Variants in EIPR1 observed in about 807,000 individuals in gnomAD.
The protein encoded by EIPR1 is EARP complex and GARP complex interacting protein 1.
EIPR1 carries 25 observed loss-of-function variants against 48.1 expected under a neutral mutation model. That is an observed-to-expected ratio of 0.52 (90% CI 0.38 to 0.73). The LOEUF (loss-of-function observed/expected upper bound fraction) is 0.73, where lower values mean the gene tolerates loss of function less well. Ranked by LOEUF, EIPR1 falls within the 30% of genes least tolerant of loss-of-function variation. EIPR1 has a pLI of 0.00. For missense variants in EIPR1, 415 were observed against 506.2 expected, an observed-to-expected ratio of 0.82 and a Z score of 1.73; for synonymous variants, 204 against 201.9, an observed-to-expected ratio of 1.01 and a Z score of -0.09.
chr2:3,232,923 TCTC>T (rs10533348), intron 4 of EIPR1, among the ~76,000 whole-genome samples: 139,067 of 152,134 alleles, frequency 0.91, 64,053 homozygotes, highest in East Asian at 0.98. Context: ...TTAAAGAAGT[TCTC>T]CTCTGAGTAA....
At chr2:3,269,677 GCAA>G (rs1667642530) in intron 3 of EIPR1, among the ~76,000 whole-genome samples, 1 of 94,276 alleles carries the variant, frequency 1.1e-5, no homozygotes. Flanking sequence ...CTCAATCATC[GCAA>G]TCATCGCACT....
intron 3 of EIPR1, among the ~76,000 whole-genome samples, chr2:3,317,818 C>T (rs1022346168): frequency 1.3e-5 from 2 of 152,170 alleles, no homozygotes; most frequent in Admixed American, 6.5e-5. Context: ...CATGATGCCA[C>T]GGTGAGAAGG....
At chr2:3,338,752 T>C (rs1299074076) in intron 2 of EIPR1, among the ~76,000 whole-genome samples, 2 of 152,220 alleles carry the variant, frequency 1.3e-5, no homozygotes, top group Admixed American at 6.5e-5. Context: ...TGATATTAAA[T>C]AGGATAACAT....
intron 3 of EIPR1, among the ~76,000 whole-genome samples, chr2:3,302,680 C>A (rs992729366): frequency 6.6e-6 from 1 of 152,232 alleles, no homozygotes; most frequent in Non-Finnish European, 1.5e-5. Context: ...AGGCCCGCTG[C>A]GGATCCACAG....
intron 4 of EIPR1, among the ~76,000 whole-genome samples, chr2:3,246,071 G>A (rs1388467439): frequency 6.6e-6 from 1 of 152,132 alleles, no homozygotes; most frequent in East Asian, 1.9e-4. Context: ...CAGCCTGAGT[G>A]ACAAAGCCAG....
intron 3 of EIPR1, among the ~76,000 whole-genome samples, chr2:3,291,947 T>G (rs1487870702): frequency 1.3e-5 from 2 of 152,248 alleles, no homozygotes; most frequent in Non-Finnish European, 2.9e-5. Flanking sequence ...CCTGGTCCTG[T>G]GGCCGTCAGG....
At chr2:3,190,936 T>C (rs2103100706) in intron 8 of EIPR1, among the ~76,000 whole-genome samples, 2 of 130,332 alleles carry the variant, frequency 1.5e-5, no homozygotes, top group South Asian at 5.2e-4. Flanking sequence ...ACTCTGTCTC[T>C]ACAAAAAGTT....
At chr2:3,246,695 A>G (rs1666804929) in intron 4 of EIPR1, among the ~76,000 whole-genome samples, 1 of 151,416 alleles carries the variant, frequency 6.6e-6, no homozygotes, top group Non-Finnish European at 1.5e-5. Context: ...TCCAGCCCAC[A>G]GGACTCCTCC....
At chr2:3,227,074 G>A (rs1666087629) in intron 4 of EIPR1, among the ~76,000 whole-genome samples, 1 of 152,168 alleles carries the variant, frequency 6.6e-6, no homozygotes, top group South Asian at 2.1e-4. Flanking sequence ...CAGAGAGTGA[G>A]GCACTGCTGT....
At chr2:3,344,519 C>G (rs1250050549) in intron 2 of EIPR1, among the ~76,000 whole-genome samples, 1 of 152,060 alleles carries the variant, frequency 6.6e-6, no homozygotes, top group African/African-American at 2.4e-5. Context: ...CTGGGCAAGT[C>G]ACTAACCCTT....
intron 3 of EIPR1, among the ~76,000 whole-genome samples, chr2:3,279,507 T>A (rs561952690): frequency 6.6e-6 from 1 of 152,262 alleles, no homozygotes; most frequent in South Asian, 2.1e-4. Context: ...AAGGTGTCAC[T>A]TACAATCCCT....
intron 3 of EIPR1, chr2:3,318,813 A>G: frequency 2.1e-6 from 1 of 467,840 alleles, no homozygotes; most frequent in East Asian, 7.0e-5. Context: ...ATGCACCCCA[A>G]ACTCAGGAGG....
chr2:3,279,105 G>C (rs1446398260), intron 3 of EIPR1, among the ~76,000 whole-genome samples: 5 of 152,106 alleles, frequency 3.3e-5, no homozygotes, highest in Non-Finnish European at 7.4e-5. Context: ...ATTTGCTAAA[G>C]CAAATGTGAC....
intron 1 of EIPR1, chr2:3,377,188 A>T (rs1659911517): frequency 6.3e-6 from 1 of 159,130 alleles, no homozygotes; most frequent in Non-Finnish European, 1.4e-5. Context: ...TACGATGGTT[A>T]TGTAAAGTGT....
chr2:3,287,687 C>A lies in EIPR1; in HGVS notation c.260-30232G>T, dbSNP rs1420858125. 2.6e-5 allele frequency among the ~76,000 whole-genome samples: 4 copies of A among 151,782 alleles called. No individual in the cohort carries two copies. The East Asian group carries it at 8.0e-4, about 30-fold the overall frequency. On this transcript the variant is annotated intron_variant, in intron 3 of 8. Transcript: ENST00000382125. ...CAATCCGGAAAGCGCGTTCACCACG[C>A]TCCAGAAAGCTCATTCACCACGCTC...
chr2:3,310,054 C>T (rs1013150679), intron 3 of EIPR1, among the ~76,000 whole-genome samples: 1 of 152,178 alleles, frequency 6.6e-6, no homozygotes, highest in South Asian at 2.1e-4. Flanking sequence ...GCCACTACCC[C>T]ACACAAGCAA....
At chr2:3,327,303 C>A (rs887009014) in intron 3 of EIPR1, among the ~76,000 whole-genome samples, 3 of 152,118 alleles carry the variant, frequency 2.0e-5, no homozygotes, top group Non-Finnish European at 4.4e-5. Flanking sequence ...CCTGCCTCAG[C>A]CTCTCGAGTA....
intron 4 of EIPR1, among the ~76,000 whole-genome samples, chr2:3,247,863 G>A (rs1666880481): frequency 6.6e-6 from 1 of 152,110 alleles, no homozygotes; most frequent in Non-Finnish European, 1.5e-5. Context: ...GGTGACGTTG[G>A]TATTCATCTC....
chr2:3,300,479 T>C (rs1481229961), intron 3 of EIPR1, among the ~76,000 whole-genome samples: 1 of 152,162 alleles, frequency 6.6e-6, no homozygotes, highest in Non-Finnish European at 1.5e-5. Context: ...CTAAAAAGCC[T>C]GGACTGGGCT....
Sources: gnomAD v4.1 joint callset for allele counts (sites outside exome capture counted in the v4.1 genomes callset) on GRCh38, gnomAD v4.1.1 for gene constraint, MANE v1.5 for transcripts, NCBI Gene and HGNC (gene_info 2026-07-23, HGNC 2026-07-21) for gene names.